RNF10: variants seen among roughly 807,000 people sequenced by gnomAD.
RNF10 encodes the protein ring finger protein 10, also known as E3 ubiquitin-protein ligase RNF10.
A neutral mutation model predicts 91.4 loss-of-function variants in RNF10; 38 were observed. The ratio of observed to expected loss-of-function variants is 0.42; its 90% CI spans 0.32 to 0.54. RNF10 has a LOEUF of 0.54. Ranked by LOEUF, RNF10 falls within the 20% of genes least tolerant of loss-of-function variation. The pLI is 0.16. For missense variants in RNF10, 945 were observed against 1,012.0 expected (o/e 0.93, Z 0.90); for synonymous variants, 364 against 366.3 (o/e 0.99, Z 0.07).
chr12:120,544,356 C>CAAAA (rs35169785), intron 1 of RNF10, among the ~76,000 whole-genome samples: 4 of 115,084 alleles, frequency 3.5e-5, no homozygotes, highest in Admixed American at 1.9e-4. Flanking sequence ...CCCAACTCTA[C>CAAAA]AAAAAAAAAA....
At chr12:120,547,728 T>C (rs758993609) in intron 2 of RNF10, among the ~76,000 whole-genome samples, 1 of 152,154 alleles carries the variant, frequency 6.6e-6, no homozygotes, top group East Asian at 1.9e-4. Context: ...AGGTAGGAAA[T>C]GTACCCAAAG....
intron 7 of RNF10, among the ~76,000 whole-genome samples, chr12:120,562,274 T>C (rs1565962761): frequency 1.5e-5 from 2 of 133,946 alleles, no homozygotes; most frequent in Non-Finnish European, 3.1e-5. Flanking sequence ...TTTCTTTCTT[T>C]TTTTTTTTTT....
At chr12:120,556,164 G>C (rs1002777424) in intron 4 of RNF10, among the ~76,000 whole-genome samples, 50 of 152,118 alleles carry the variant, frequency 3.3e-4, no homozygotes, top group Non-Finnish European at 1.0e-4. Context: ...GTTGGTCCTA[G>C]TAGGGTATCT....
chr12:120,554,692 C>A (rs746378505), intron 3 of RNF10, 26 bp from the exon 4 acceptor site: 5 of 1,563,686 alleles, frequency 3.2e-6, no homozygotes, highest in Admixed American at 3.3e-5. Context: ...GACAGTCTAG[C>A]TTTTTCCTGT....
At chr12:120,570,925 A>G (rs941272582) in intron 13 of RNF10, among the ~76,000 whole-genome samples, 1 of 152,226 alleles carries the variant, frequency 6.6e-6, no homozygotes, top group African/African-American at 2.4e-5. Context: ...CTTTTCTTAC[A>G]GTTGGAGTAG....
intron 1 of RNF10, among the ~76,000 whole-genome samples, chr12:120,536,081 C>T (rs1870743608): frequency 6.6e-6 from 1 of 152,042 alleles, no homozygotes; most frequent in South Asian, 2.1e-4. Flanking sequence ...TATTTGAAGT[C>T]CCTAAATGTG....
chr12:120,559,011 A>T (rs1437219869), intron 6 of RNF10, among the ~76,000 whole-genome samples: 1 of 151,236 alleles, frequency 6.6e-6, no homozygotes, highest in Non-Finnish European at 1.5e-5. Flanking sequence ...AATTAAATTC[A>T]TTAAAATAAT....
At chr12:120,552,352 A>G in intron 2 of RNF10, 147 bp from the exon 3 acceptor site, 1 of 646,194 alleles carries the variant, frequency 1.5e-6, no homozygotes, top group Non-Finnish European at 2.6e-6. Context: ...GTGAGCCAAG[A>G]TCGTGCCATT....
chr12:120,552,803 A>C, intron 3 of RNF10, 105 bp downstream of exon 3: 2 of 981,484 alleles, frequency 2.0e-6, no homozygotes, highest in East Asian at 5.2e-5. Flanking sequence ...AAGAAGCAGA[A>C]AGGGAATTGG....
At chr12:120,554,623 G>A (rs1873679541) in intron 3 of RNF10, 95 bp from the exon 4 acceptor site, 2 of 957,066 alleles carry the variant, frequency 2.1e-6, no homozygotes, top group Non-Finnish European at 1.7e-6. Flanking sequence ...CTAATGGCCT[G>A]CATTTGATTT....
At chr12:120,575,337 C>G in intron 14 of RNF10, 1 of 327,636 alleles carries the variant, frequency 3.1e-6, no homozygotes, top group Non-Finnish European at 5.6e-6. Flanking sequence ...AGTCGGAATT[C>G]CCAATTTGAG....
At chr12:120,539,309 A>G in intron 1 of RNF10, 1 of 816,560 alleles carries the variant, frequency 1.2e-6, no homozygotes, top group East Asian at 6.3e-5. Context: ...CTTAGCAAGC[A>G]GATAACTTAC....
chr12:120,573,083 A>C (rs1876908391), intron 14 of RNF10, among the ~76,000 whole-genome samples: 1 of 152,152 alleles, frequency 6.6e-6, no homozygotes, highest in African/African-American at 2.4e-5. Flanking sequence ...TGTTGAAAAG[A>C]AGTTGCAGAT....
chr12:120,565,976 G>A (rs1875633029), intron 12 of RNF10, among the ~76,000 whole-genome samples: 3 of 152,232 alleles, frequency 2.0e-5, no homozygotes, highest in Non-Finnish European at 4.4e-5. Context: ...TTTCGTAGCA[G>A]TAAGCACAGC....
rs1050791998 is a variant in RNF10, at chr12:120,565,258, G to C, written c.1783+69G>C. The stretch of plus-strand genomic sequence containing the variant: ...GGATTCTTGTGGCTAGACACCCAGT[G>C]GGGGAGGAAACTTATGGAACTGTAT... On this transcript the variant is annotated intron_variant, in intron 11 of 16. Coordinates refer to ENST00000325954, the MANE Select transcript of RNF10 (RefSeq NM_014868.5). The C allele has an allele frequency of 7.0e-5, 86 of 1,232,284 alleles. 1 individual carries two copies. In the South Asian group the frequency reaches 7.7e-4, roughly 11 times the overall value. The allele number at this position is 1,232,284 out of a possible 1,614,324, so 76.3% of individuals were successfully genotyped here.
intron 1 of RNF10, chr12:120,539,415 G>T: frequency 7.8e-7 from 1 of 1,289,006 alleles, no homozygotes; most frequent in Non-Finnish European, 1.0e-6. Context: ...TGATTCTGTA[G>T]TAAGGCCATA....
At chr12:120,556,930 A>G (rs1026286154) in intron 4 of RNF10, among the ~76,000 whole-genome samples, 1 of 151,904 alleles carries the variant, frequency 6.6e-6, no homozygotes, top group South Asian at 2.1e-4. Context: ...AGGCGGGCGG[A>G]TCACAAGGTC....
intron 1 of RNF10, chr12:120,539,284 C>G: frequency 1.6e-6 from 1 of 641,406 alleles, no homozygotes; most frequent in Non-Finnish European, 2.5e-6. Flanking sequence ...TTTCAATAAG[C>G]TTTGTATAAT....
chr12:120,566,384 G>T (rs898719990), intron 12 of RNF10, among the ~76,000 whole-genome samples: 1 of 152,178 alleles, frequency 6.6e-6, no homozygotes, highest in Non-Finnish European at 1.5e-5. Flanking sequence ...GACAGTTATT[G>T]TAAATTTGGG....
Sources: gnomAD v4.1 joint callset for allele counts (sites outside exome capture counted in the v4.1 genomes callset) on GRCh38, gnomAD v4.1.1 for gene constraint, MANE v1.5 for transcripts, NCBI Gene and HGNC (gene_info 2026-07-23, HGNC 2026-07-21) for gene names.